PRKN: variants seen among roughly 807,000 people sequenced by gnomAD.
PRKN encodes E3 ubiquitin-protein ligase parkin.
PRKN carries 56 observed loss-of-function variants against 59.5 expected under a neutral mutation model. The ratio of observed to expected loss-of-function variants is 0.94; its 90% CI spans 0.76 to 1.18. The LOEUF (loss-of-function observed/expected upper bound fraction) is 1.18. Ranked by LOEUF, PRKN falls within the 50% of genes most tolerant of loss-of-function variation. PRKN has a pLI of 0.00. For synonymous variants in PRKN, 250 were observed against 222.1 expected (o/e 1.13, Z -1.12); for missense variants, 657 against 596.4 (o/e 1.10, Z -1.06).
chr6:162,679,851 G>T (rs1779701928), intron 1 of PRKN, among the ~76,000 whole-genome samples: 2 of 152,150 alleles, frequency 1.3e-5, no homozygotes, highest in Admixed American at 1.3e-4. Context: ...CTTTAAAAAT[G>T]AAGATTATGA....
At chr6:162,447,697 T>G in intron 1 of PRKN, among the ~76,000 whole-genome samples, 1 of 152,150 alleles carries the variant, frequency 6.6e-6, no homozygotes, top group East Asian at 1.9e-4. Context: ...GGGTATAAAC[T>G]TCATAAATAT....
chr6:161,836,427 G>T (rs888904856), intron 6 of PRKN, among the ~76,000 whole-genome samples: 1 of 152,042 alleles, frequency 6.6e-6, no homozygotes, highest in Non-Finnish European at 1.5e-5. Flanking sequence ...GAGTGGCCTC[G>T]ATTAAATCCA....
chr6:162,596,981 C>T (rs890259010), intron 1 of PRKN, among the ~76,000 whole-genome samples: 6 of 152,134 alleles, frequency 3.9e-5, no homozygotes, highest in Non-Finnish European at 7.3e-5. Context: ...ACACACGTGA[C>T]CTTCAAGAAA....
At chr6:162,323,680 G>A (rs1051413814) in intron 2 of PRKN, among the ~76,000 whole-genome samples, 7 of 151,918 alleles carry the variant, frequency 4.6e-5, no homozygotes, top group Admixed American at 3.3e-4. Context: ...TTAGGGAAAC[G>A]CAAAATAAAA....
chr6:162,175,775 C>T (rs1475268709), intron 4 of PRKN, among the ~76,000 whole-genome samples: 2 of 152,134 alleles, frequency 1.3e-5, no homozygotes, highest in East Asian at 3.9e-4. Flanking sequence ...TTCTGTTTAT[C>T]CTAAGGAAGT....
intron 1 of PRKN, among the ~76,000 whole-genome samples, chr6:162,584,630 G>A (rs66529337): frequency 0.12 from 18,577 of 151,812 alleles, 1,249 homozygotes; most frequent in Middle Eastern, 0.2. Context: ...TAAATTAAGG[G>A]AAAAAAGCCA....
At chr6:162,379,724 T>A (rs1170146012) in intron 2 of PRKN, among the ~76,000 whole-genome samples, 1 of 152,184 alleles carries the variant, frequency 6.6e-6, no homozygotes, top group African/African-American at 2.4e-5. Context: ...ACGTCACATA[T>A]TATCCTCCAT....
chr6:162,311,319 AC>A (rs1362436966), intron 2 of PRKN, among the ~76,000 whole-genome samples: 1 of 152,168 alleles, frequency 6.6e-6, no homozygotes, highest in African/African-American at 2.4e-5. Context: ...TCATTAGCTC[AC>A]AATGACTTCA....
At chr6:161,831,292 A>AT (rs1792488524) in intron 6 of PRKN, among the ~76,000 whole-genome samples, 1 of 152,246 alleles carries the variant, frequency 6.6e-6, no homozygotes, top group African/African-American at 2.4e-5. Flanking sequence ...TATCCCAAGA[A>AT]TGATGTTGAT....
intron 2 of PRKN, among the ~76,000 whole-genome samples, chr6:162,371,340 TCA>T (rs1785755829): frequency 6.6e-6 from 1 of 152,144 alleles, no homozygotes; most frequent in Non-Finnish European, 1.5e-5. Context: ...TTGCTAATCA[TCA>T]GAGTCTCTTG....
At chr6:162,081,315 G>A (rs1212862882) in intron 4 of PRKN, among the ~76,000 whole-genome samples, 1 of 152,034 alleles carries the variant, frequency 6.6e-6, no homozygotes, top group Non-Finnish European at 1.5e-5. Flanking sequence ...AGTGATCTAT[G>A]AGAGCTATAG....
chr6:162,370,330 A>G (rs1785688999), intron 2 of PRKN, among the ~76,000 whole-genome samples: 2 of 152,136 alleles, frequency 1.3e-5, no homozygotes, highest in South Asian at 4.1e-4. Flanking sequence ...TTTTTAATAT[A>G]GAAAAAAAGG....
chr6:162,272,178 T>C (rs1780421880), intron 2 of PRKN, among the ~76,000 whole-genome samples: 1 of 152,162 alleles, frequency 6.6e-6, no homozygotes, highest in Admixed American at 6.5e-5. Context: ...GTAAGTGATT[T>C]AGTTTTGAAG....
At chr6:161,368,382 G>GATAGATATATATAT (rs1554253575) in intron 10 of PRKN, among the ~76,000 whole-genome samples, 1 of 99,328 alleles carries the variant, frequency 1.0e-5, no homozygotes, top group Non-Finnish European at 2.0e-5. Context: ...CCTCAGTCTT[G>GATAGATATATATAT]ATATATATAT....
intron 6 of PRKN, among the ~76,000 whole-genome samples, chr6:161,963,772 T>C (rs1249228878): frequency 2.6e-5 from 4 of 152,220 alleles, no homozygotes; most frequent in Non-Finnish European, 5.9e-5. Context: ...ATGAAACAGA[T>C]TTTCCTTTAA....
At chr6:161,567,836 A>G (rs921240485) in intron 8 of PRKN, among the ~76,000 whole-genome samples, 1 of 152,234 alleles carries the variant, frequency 6.6e-6, no homozygotes, top group Non-Finnish European at 1.5e-5. Context: ...AGAAGACTCC[A>G]TTATCTGAGC....
intron 1 of PRKN, among the ~76,000 whole-genome samples, chr6:162,621,560 A>G (rs1321961609): frequency 6.6e-6 from 1 of 152,214 alleles, no homozygotes; most frequent in African/African-American, 2.4e-5. Flanking sequence ...GACACAAGCT[A>G]AATGAATGGT....
chr6:161,364,313 G>A (rs1185272423), intron 10 of PRKN, among the ~76,000 whole-genome samples: 1 of 151,086 alleles, frequency 6.6e-6, no homozygotes, highest in Admixed American at 6.6e-5. Flanking sequence ...ACAAAAATTA[G>A]CTGGGCGCGG....
At chr6:162,525,148 G>A (rs755986218) in intron 1 of PRKN, among the ~76,000 whole-genome samples, 9 of 152,124 alleles carry the variant, frequency 5.9e-5, no homozygotes, top group Admixed American at 6.5e-5. Flanking sequence ...AGTTAGTCCT[G>A]CTTAGTCCTA....
Sources: gnomAD v4.1 joint callset for allele counts (sites outside exome capture counted in the v4.1 genomes callset) on GRCh38, gnomAD v4.1.1 for gene constraint, MANE v1.5 for transcripts, NCBI Gene and HGNC (gene_info 2026-07-23, HGNC 2026-07-21) for gene names.